GRK4: variants seen among roughly 807,000 people sequenced by gnomAD.
GRK4 encodes the protein G protein-coupled receptor kinase 2-like.
GRK4 carries 73 observed loss-of-function variants against 77.9 expected under a neutral mutation model. The observed-to-expected ratio is 0.94, with a 90% CI of 0.78 to 1.14. The LOEUF is 1.14. Ranked by LOEUF, GRK4 falls within the 50% of genes most tolerant of loss-of-function variation. GRK4 has a pLI of 0.00. For missense variants in GRK4, 729 were observed against 700.2 expected, an observed-to-expected ratio of 1.04 and a Z score of -0.46; for synonymous variants, 257 against 254.4, an observed-to-expected ratio of 1.01 and a Z score of -0.10.
chr4:3,033,283 C>T (rs1739661155), intron 12 of GRK4, among the ~76,000 whole-genome samples: 1 of 152,206 alleles, frequency 6.6e-6, no homozygotes, highest in Admixed American at 6.5e-5. Flanking sequence ...TGCACCCTCA[C>T]AGGGCAGAGG....
At chr4:3,020,980 A>C (rs1449330681) in intron 9 of GRK4, among the ~76,000 whole-genome samples, 2 of 152,128 alleles carry the variant, frequency 1.3e-5, no homozygotes, top group Non-Finnish European at 2.9e-5. Flanking sequence ...GGATGTGTGT[A>C]GGTTATATGG....
At chr4:3,004,552 C>T (rs1010818773) in intron 5 of GRK4, among the ~76,000 whole-genome samples, 1 of 152,180 alleles carries the variant, frequency 6.6e-6, no homozygotes, top group African/African-American at 2.4e-5. Context: ...CATTAGCCTA[C>T]TGTTGACCAG....
At chr4:3,025,715 A>G (rs1204394156) in intron 10 of GRK4, among the ~76,000 whole-genome samples, 1 of 152,102 alleles carries the variant, frequency 6.6e-6, no homozygotes, top group Non-Finnish European at 1.5e-5. Context: ...TTAATGTTAT[A>G]ATTATGTAAA....
At chr4:3,030,065 A>G (rs1738721234) in intron 12 of GRK4, among the ~76,000 whole-genome samples, 1 of 152,150 alleles carries the variant, frequency 6.6e-6, no homozygotes, top group Admixed American at 6.5e-5. Flanking sequence ...CATAAAACCA[A>G]TCTTTCATGT....
intron 6 of GRK4, among the ~76,000 whole-genome samples, chr4:3,008,852 AT>A (rs953585156): frequency 2.0e-5 from 3 of 151,742 alleles, no homozygotes; most frequent in African/African-American, 7.3e-5. Context: ...TATTAGTACT[AT>A]TATTATTGAT....
intron 11 of GRK4, among the ~76,000 whole-genome samples, chr4:3,028,206 G>C (rs1578359220): frequency 6.6e-6 from 1 of 152,280 alleles, no homozygotes; most frequent in African/African-American, 2.4e-5. Flanking sequence ...TACAGATGAG[G>C]GGTGAGGCCT....
rs67664476 is a variant in GRK4 at position 2,988,075 on chromosome 4, C to CAAAAAAA, written c.149-634_149-628dup. Among the ~76,000 whole-genome samples the CAAAAAAA allele has an allele frequency of 4.5e-3, 151 of 33,688 alleles. 12 individuals carry two copies. The highest frequency in any genetic ancestry group is 6.3e-3 in the Non-Finnish European group (110 of 17,326). 22.1% of individuals were successfully genotyped at this position (33,688 alleles called of 152,430 possible). ...TGGATGACAGAGTGAGGCTCTGTCT[C>CAAAAAAA]AAAAAAAAAAAAAAAAAAAAAAAAG... On this transcript the variant is annotated intron_variant, in intron 2 of 15. Coordinates refer to ENST00000398052, the MANE Select transcript of GRK4 (RefSeq NM_182982.3).
chr4:3,005,363 A>C (rs1229047000), intron 5 of GRK4, among the ~76,000 whole-genome samples: 1 of 152,128 alleles, frequency 6.6e-6, no homozygotes, highest in Non-Finnish European at 1.5e-5. Flanking sequence ...TAGAGGTTAA[A>C]GAGAGGGAAG....
In GRK4 at chr4:3,000,559, CTTTTCTTTTCTTTTCT is replaced by C. The variant is rs1181138860; in HGVS notation, c.340-3667_340-3652del. Among the ~76,000 whole-genome samples, 852 of 121,268 alleles carry C rather than the reference CTTTTCTTTTCTTTTCT, an allele frequency of 7.0e-3. 12 individuals are homozygous for C. The highest frequency in any genetic ancestry group is 0.029 in the African/African-American group (795 of 27,810). 79.6% of individuals were successfully genotyped at this position (121,268 alleles called of 152,430 possible). A position where few individuals can be genotyped will look rare whatever the true frequency, so the allele number is the denominator to read the frequency against. ...TTTTCTTTCTTTTTTCTTTTCTTTT[CTTTTCTTTTCTTTTCT>C]TTTTTTTTTTGAAACAGTCTTGCTC... On this transcript the variant is annotated intron_variant, in intron 4 of 15. Transcript: ENST00000398052.
At chr4:3,018,429 G>A (rs1307423658) in intron 8 of GRK4, among the ~76,000 whole-genome samples, 1 of 152,162 alleles carries the variant, frequency 6.6e-6, no homozygotes, top group African/African-American at 2.4e-5. Flanking sequence ...AGCTTCTTGG[G>A]TGACTGAGAT....
chr4:3,014,296 C>CTCTCT (rs757312217), intron 8 of GRK4, among the ~76,000 whole-genome samples: 19 of 118,998 alleles, frequency 1.6e-4, no homozygotes, highest in African/African-American at 5.5e-4. Flanking sequence ...CTCTCTCTCT[C>CTCTCT]TTTTTTTTTT....
intron 4 of GRK4, among the ~76,000 whole-genome samples, chr4:2,992,954 A>G (rs1726716100): frequency 6.6e-6 from 1 of 152,208 alleles, no homozygotes; most frequent in Admixed American, 6.5e-5. Flanking sequence ...GCTATGCTCT[A>G]GCCTGGACAA....
At chr4:3,027,117 G>A (rs973661442) in intron 10 of GRK4, among the ~76,000 whole-genome samples, 14 of 152,142 alleles carry the variant, frequency 9.2e-5, no homozygotes, top group African/African-American at 1.2e-4. Flanking sequence ...ATGGTTCACC[G>A]CAGCCTCGAC....
At chr4:2,993,451 A>G (rs188237804) in intron 4 of GRK4, among the ~76,000 whole-genome samples, 25 of 152,342 alleles carry the variant, frequency 1.6e-4, no homozygotes, top group Admixed American at 1.1e-3. Context: ...AGGCGGGTAG[A>G]TCACTTGAGG....
chr4:2,986,476 C>T lies in GRK4; in HGVS notation c.148+1868C>T, dbSNP rs1215277652. Among the ~76,000 whole-genome samples the T allele has an allele frequency of 2.6e-5, 4 of 151,122 alleles. No homozygotes were observed. In the East Asian group the frequency reaches 5.8e-4, roughly 22 times the overall value. ...GATTCAAGTGATTCCCTGCCTCAGC[C>T]TCCCAAGTAGCTGGGACTACAGGTG... On this transcript the variant is annotated intron_variant, in intron 2 of 15. Transcript: ENST00000398052.
chr4:2,987,316 C>T (rs900963437), intron 2 of GRK4, among the ~76,000 whole-genome samples: 1 of 152,168 alleles, frequency 6.6e-6, no homozygotes. Context: ...GGATATATCA[C>T]ATTTTATTTA....
At chr4:2,992,101 C>A in intron 3 of GRK4, 114 bp from the exon 4 acceptor site, 1 of 608,448 alleles carries the variant, frequency 1.6e-6, no homozygotes, top group Non-Finnish European at 3.0e-6. Flanking sequence ...TGGCCTCGAA[C>A]TCTTGAGCTC....
At chr4:2,992,128 C>A in intron 3 of GRK4, 87 bp from the exon 4 acceptor site, 1 of 865,040 alleles carries the variant, frequency 1.2e-6, no homozygotes, top group Non-Finnish European at 1.9e-6. Flanking sequence ...TCCTCCCAAC[C>A]TCAGCGTCCC....
chr4:3,030,685 A>T (rs1450765378), intron 12 of GRK4, among the ~76,000 whole-genome samples: 1 of 150,636 alleles, frequency 6.6e-6, no homozygotes, highest in African/African-American at 2.5e-5. Context: ...GCAGACAGAG[A>T]TTGTCTGCAA....
Sources: allele counts gnomAD v4.1 joint callset (sites outside exome capture counted in the v4.1 genomes callset), GRCh38; gene constraint gnomAD v4.1.1; transcripts MANE v1.5; gene names NCBI Gene and HGNC (gene_info 2026-07-23, HGNC 2026-07-21).